SDHA: variants seen among roughly 807,000 people sequenced by gnomAD.
The protein encoded by SDHA is succinate dehydrogenase [ubiquinone] flavoprotein subunit, mitochondrial.
SDHA carries 48 observed loss-of-function variants against 78.4 expected under a neutral mutation model. The ratio of observed to expected loss-of-function variants is 0.61; its 90% CI spans 0.49 to 0.78. SDHA has a LOEUF of 0.78. Among genes scored for constraint, SDHA ranks in the 30% least tolerant of loss-of-function variants. The probability of loss-of-function intolerance (pLI) is 0.00; values close to 1 mark genes in which losing one functional copy is unlikely to be tolerated. For synonymous variants in SDHA, 326 were observed against 353.9 expected, an observed-to-expected ratio of 0.92 and a Z score of 0.88; for missense variants, 680 against 892.7, an observed-to-expected ratio of 0.76 and a Z score of 3.04.
chr5:259,579 C>T (rs1347380734), downstream of SDHA, among the ~76,000 whole-genome samples: 2 of 30,860 alleles, frequency 6.5e-5, no homozygotes, highest in African/African-American at 2.7e-4. Flanking sequence ...ACAGCATTAC[C>T]GTGTGAGCTC....
intron 5 of SDHA, among the ~76,000 whole-genome samples, chr5:227,183 T>C (rs1735082909): frequency 6.6e-6 from 1 of 152,068 alleles, no homozygotes; most frequent in South Asian, 2.1e-4. Context: ...GCTAATTTTT[T>C]GTATTTTAGT....
intron 6 of SDHA, among the ~76,000 whole-genome samples, chr5:230,487 C>T (rs151222281): frequency 1.1e-3 from 168 of 152,088 alleles, no homozygotes; most frequent in African/African-American, 3.8e-3. Context: ...ATTAACTGGG[C>T]GTGGTGGTGC....
chr5:219,792 C>T lies in SDHA; in HGVS notation c.63+1374C>T, dbSNP rs138004841. On this transcript the variant is annotated intron_variant, in intron 1 of 14. Transcript: ENST00000264932. Reference sequence around the variant, plus strand: ...CCTTTGTCCTCAACCCAGATGGTGCCCGGTGTTCCTTCTGCAGACTAAGAC... The same window carrying T: ...CCTTTGTCCTCAACCCAGATGGTGCTCGGTGTTCCTTCTGCAGACTAAGAC... 5.4e-3 allele frequency among the ~76,000 whole-genome samples: 816 copies of T among 152,268 alleles called. 21 individuals carry two copies. Among genetic ancestry groups the T allele is most frequent in the Admixed American group, 0.044 (674 of 15,298 alleles).
chr5:221,916 T>A (rs1175510130), intron 1 of SDHA, among the ~76,000 whole-genome samples: 1 of 152,082 alleles, frequency 6.6e-6, no homozygotes, highest in Non-Finnish European at 1.5e-5. Flanking sequence ...GGGTGGGCAG[T>A]GGGTCTTCCA....
chr5:247,059 G>A (rs1377003891), intron 11 of SDHA, among the ~76,000 whole-genome samples: 1 of 152,228 alleles, frequency 6.6e-6, no homozygotes, highest in Non-Finnish European at 1.5e-5. Context: ...AAATGAAGAT[G>A]CAGAGAATGT....
Position 256,731 on chromosome 5 carries a change from T to G in SDHA, c.*311T>G, listed in dbSNP as rs1737224703. 2.7e-6 allele frequency: 1 copy of G among 375,892 alleles called. No homozygotes were observed. The highest frequency in any genetic ancestry group is 4.2e-5 in the South Asian group (1 of 23,990). The allele number at this position is 375,892 out of a possible 1,614,324, so 23.3% of individuals were successfully genotyped here. ...TTGAAATATTTTACTGTTGTGACTT[T>G]AGTCATATTTGTTGACCTAAAAATC... is the stretch of plus-strand genomic sequence containing the variant. On this transcript the variant is annotated 3_prime_UTR_variant, in exon 15 of 15. Coordinates refer to ENST00000264932, the MANE Select transcript of SDHA (RefSeq NM_004168.4).
intron 11 of SDHA, among the ~76,000 whole-genome samples, chr5:245,110 G>C (rs1415949230): frequency 7.2e-5 from 11 of 152,198 alleles, no homozygotes; most frequent in Non-Finnish European, 1.5e-4. Context: ...GGAGGCTTTA[G>C]AGGACTTAGT....
At position 229,984 on chromosome 5, in the gene SDHA, C is replaced by G. The variant is rs535185152; in HGVS notation, c.771-892C>G. Among the ~76,000 whole-genome samples the G allele has an allele frequency of 3.1e-4, 47 of 151,402 alleles. No individual in the cohort carries two copies. In the South Asian group the frequency reaches 9.7e-3, roughly 31 times the overall value. On this transcript the variant is annotated intron_variant, in intron 6 of 14. Coordinates refer to ENST00000264932, the MANE Select transcript of SDHA (RefSeq NM_004168.4). ...TCGTTAATATTATACAGCATGGTGG[C>G]TAGAGTTAACATTATACAGCATGGT...
In SDHA at chr5:235,359, C is replaced by T. The variant is rs779828602; in HGVS notation, c.1260+20C>T. The T allele has an allele frequency of 1.5e-5, 24 of 1,613,242 alleles. No individual in the cohort carries two copies. The highest frequency in any genetic ancestry group is 6.7e-5 in the East Asian group (3 of 44,898). ...GGGCAGGTGATGGTGCTGGCTCCTCCCCCACAGCTGGAAAGAAGGCTGGGA... is the reference window on the plus strand; with the variant it reads ...GGGCAGGTGATGGTGCTGGCTCCTCTCCCACAGCTGGAAAGAAGGCTGGGA... On this transcript the variant is annotated intron_variant, in intron 9 of 14. Coordinates refer to ENST00000264932, the MANE Select transcript of SDHA (RefSeq NM_004168.4).
rs774876028 is a variant in SDHA, at chr5:251,334, C to G, written c.1664-4C>G. On this transcript the variant is annotated splice_region_variant and splice_polypyrimidine_tract_variant and intron_variant, in intron 12 of 14. Coordinates refer to ENST00000264932, the MANE Select transcript of SDHA (RefSeq NM_004168.4). ...GCCCCTGATGGAACTTTTTGTGTCC[C>G]CAGGAATGGTCTGGAACACGGACCT... 6 of 1,612,594 alleles carry G rather than the reference C, an allele frequency of 3.7e-6. No homozygotes were observed. The highest frequency in any genetic ancestry group is 5.1e-6 in the Non-Finnish European group (6 of 1,179,488).
At chr5:247,576 T>C (rs1736540071) in intron 11 of SDHA, among the ~76,000 whole-genome samples, 1 of 152,272 alleles carries the variant, frequency 6.6e-6, no homozygotes, top group Non-Finnish European at 1.5e-5. Flanking sequence ...TCCTCATCTT[T>C]TACAGGAGGA....
At chr5:252,198 C>T (rs1185329242) in intron 13 of SDHA, among the ~76,000 whole-genome samples, 1 of 147,440 alleles carries the variant, frequency 6.8e-6, no homozygotes, top group East Asian at 2.1e-4. Flanking sequence ...GCCACCGTTT[C>T]AAACCTGCCC....
chr5:236,793 G>A (rs1439503234), intron 10 of SDHA, among the ~76,000 whole-genome samples, 194 bp downstream of exon 10: 5 of 152,144 alleles, frequency 3.3e-5, no homozygotes. Context: ...CTACAGATGT[G>A]CACCACCACA....
At chr5:251,266 C>G in intron 12 of SDHA, 72 bp from the exon 13 acceptor site, 1 of 1,569,128 alleles carries the variant, frequency 6.4e-7, no homozygotes, top group Non-Finnish European at 8.7e-7. Flanking sequence ...ACTAGCAGGC[C>G]CAGGCTGACA....
At chr5:268,394 G>A in the SDHA span, among the ~76,000 whole-genome samples, 4 of 152,200 alleles carry the variant, frequency 2.6e-5, no homozygotes, top group South Asian at 8.3e-4. Context: ...ATGTTAGCCA[G>A]GATGGTCTTG....
rs1298133275 is a variant in SDHA, at chr5:237,948, G to A, written c.1432+1349G>A. On this transcript the variant is annotated intron_variant, in intron 10 of 14. Coordinates refer to ENST00000264932, the MANE Select transcript of SDHA (RefSeq NM_004168.4). Reference sequence around the variant, plus strand: ...AGGTCCATCGTTCCTGACGCCGCAGGTAGTGCTTGTCTCACTCCATAGCCC... The same window carrying A: ...AGGTCCATCGTTCCTGACGCCGCAGATAGTGCTTGTCTCACTCCATAGCCC... Among the ~76,000 whole-genome samples the A allele has an allele frequency of 5.1e-5, 7 of 136,254 alleles. 1 individual carries two copies. In the East Asian group the frequency reaches 9.7e-4, roughly 19 times the overall value. 89.4% of individuals were successfully genotyped at this position (136,254 alleles called of 152,430 possible).
At chr5:251,187 T>G in intron 12 of SDHA, 84 bp downstream of exon 12, 3 of 1,536,018 alleles carry the variant, frequency 2.0e-6, no homozygotes, top group South Asian at 2.2e-5. Flanking sequence ...AGTGCTGACT[T>G]AGTTCCGTGC....
At chr5:228,402 T>G in intron 6 of SDHA, 69 bp downstream of exon 6, 1 of 1,482,420 alleles carries the variant, frequency 6.7e-7, no homozygotes, top group South Asian at 1.2e-5. Flanking sequence ...TTTCTTTATT[T>G]TAATGAAAAT....
intron 5 of SDHA, 34 bp downstream of exon 5, chr5:226,081 C>T (rs575770636): frequency 1.3e-4 from 212 of 1,611,982 alleles, no homozygotes; most frequent in Non-Finnish European, 1.2e-4. Context: ...AGACAGGACA[C>T]GTAGTGCTGG....
Sources: allele counts gnomAD v4.1 joint callset (sites outside exome capture counted in the v4.1 genomes callset), GRCh38; gene constraint gnomAD v4.1.1; transcripts MANE v1.5; gene names NCBI Gene and HGNC (gene_info 2026-07-23, HGNC 2026-07-21).